Variants in RXRG observed in about 807,000 individuals in gnomAD.
RXRG encodes retinoic acid receptor RXR-gamma.
In RXRG, 19 loss-of-function variants were observed where a neutral mutation model predicts 49.2. The observed-to-expected ratio is 0.39, with a 90% CI of 0.27 to 0.57. The LOEUF (loss-of-function observed/expected upper bound fraction) is 0.57. RXRG is among the 20% of genes least tolerant of loss of function. RXRG has a pLI of 0.64. For missense variants in RXRG, 452 were observed against 592.5 expected, an observed-to-expected ratio of 0.76 and a Z score of 2.46; for synonymous variants, 224 against 216.6, an observed-to-expected ratio of 1.03 and a Z score of -0.30.
rs779244874 is a variant in RXRG, at chr1:165,409,601, G to C, written c.1003C>G (p.Arg335Gly). 6.4e-6 allele frequency: 10 copies of C among 1,569,080 alleles called. No individual in the cohort carries two copies. The highest frequency in any genetic ancestry group is 8.6e-6 in the Non-Finnish European group (10 of 1,158,814). ...ACCCCAGCACTGTGGGCACTGCTCC[G>C]GTGGACATGTAAACCCGTGGCCAGA... ...ILLATGLHVHRSSAHSAGVGS... is the reference protein window; with the variant it reads ...ILLATGLHVHGSSAHSAGVGS... The change falls in exon 7 of 10, where the codon CGG becomes GGG. Residue 335 changes from arginine (R) to glycine (G), a missense_variant. Around this residue, in one of 2 missense-constraint regions of RXRG, gnomAD observed 286 missense variants for 440.9 expected, o/e 0.65. Transcript: ENST00000359842.
At chr1:165,420,094 C>G (rs1333881093) in intron 2 of RXRG, 80 bp from the exon 3 acceptor site, 7 of 1,086,896 alleles carry the variant, frequency 6.4e-6, no homozygotes, top group African/African-American at 1.6e-5. Context: ...AGGGCTTACT[C>G]AAGAAAAAAC....
At chr1:165,434,125 T>C (rs1361449485) in intron 1 of RXRG, among the ~76,000 whole-genome samples, 3 of 152,224 alleles carry the variant, frequency 2.0e-5, no homozygotes, top group African/African-American at 7.2e-5. Flanking sequence ...AGAGGACTGC[T>C]GAGAGCTCCT....
At chr1:165,402,946 C>T (rs562553948) in intron 9 of RXRG, among the ~76,000 whole-genome samples, 5 of 152,212 alleles carry the variant, frequency 3.3e-5, no homozygotes, top group South Asian at 4.2e-4. Context: ...CACTCTTACA[C>T]ACACGTGCAT....
chr1:165,422,107 G>T (rs59737404), intron 2 of RXRG, among the ~76,000 whole-genome samples: 1 of 152,214 alleles, frequency 6.6e-6, no homozygotes, highest in East Asian at 1.9e-4. Context: ...GAGGTTCAAG[G>T]GGTCCTCACC....
intron 8 of RXRG, among the ~76,000 whole-genome samples, chr1:165,407,142 A>G (rs1442511702): frequency 1.3e-5 from 2 of 152,146 alleles, no homozygotes; most frequent in African/African-American, 4.8e-5. Flanking sequence ...AGGCAAATGT[A>G]CCCACCACTG....
chr1:165,418,110 CAAAAAAAAAAAAAAAAA>C (rs57782668), intron 3 of RXRG, among the ~76,000 whole-genome samples: 2 of 73,856 alleles, frequency 2.7e-5, no homozygotes, highest in Non-Finnish European at 4.9e-5. Flanking sequence ...GATCCCGTCT[CAAAAAAAAAAAAAAAAA>C]AAAAAAAAAA....
At chr1:165,425,348 C>T (rs978074336) in intron 2 of RXRG, among the ~76,000 whole-genome samples, 23 of 152,036 alleles carry the variant, frequency 1.5e-4, no homozygotes, top group African/African-American at 5.6e-4. Flanking sequence ...AGGTTTTTGC[C>T]TGTCCTGCCT....
chr1:165,418,940 A>C (rs917432438), intron 3 of RXRG, among the ~76,000 whole-genome samples: 1 of 152,256 alleles, frequency 6.6e-6, no homozygotes, highest in Non-Finnish European at 1.5e-5. Context: ...GGAACTTTCA[A>C]TGGAGTGACA....
At chr1:165,410,438 CAAATTATCCTCAATA>C (rs1200142370) in intron 6 of RXRG, among the ~76,000 whole-genome samples, 2 of 152,164 alleles carry the variant, frequency 1.3e-5, no homozygotes, top group Admixed American at 1.3e-4. Context: ...GCCACTGCTT[CAAATTATCCTCAATA>C]AAATGATTTA....
chr1:165,409,883 T>C (rs1657886360), intron 6 of RXRG, among the ~76,000 whole-genome samples, 193 bp from the exon 7 acceptor site: 2 of 152,058 alleles, frequency 1.3e-5, no homozygotes, highest in South Asian at 2.1e-4. Flanking sequence ...TCCTGACTTA[T>C]GGCTCTGCAC....
intron 3 of RXRG, 124 bp from the exon 4 acceptor site, chr1:165,417,344 G>T: frequency 2.5e-6 from 2 of 808,378 alleles, no homozygotes; most frequent in Non-Finnish European, 1.9e-6. Context: ...GGGACAGAAA[G>T]CAAATAATCA....
chr1:165,417,419 G>A (rs1049400467), intron 3 of RXRG, among the ~76,000 whole-genome samples, 199 bp from the exon 4 acceptor site: 3 of 152,166 alleles, frequency 2.0e-5, no homozygotes, highest in East Asian at 3.9e-4. Context: ...ACTTGTCCTC[G>A]TGTCTTTCCT....
In RXRG at chr1:165,424,731, AC is replaced by A. The variant is rs1658426648; in HGVS notation, c.297+3987del. ...CCCCTAGACACTTCCTCCTCCCTTC[AC>A]CCCCCAAATTGTACTTACGCGAGAA... On this transcript the variant is annotated intron_variant, in intron 2 of 9. Transcript: ENST00000359842. 5 of 974,174 alleles carry A rather than the reference AC, an allele frequency of 5.1e-6. No homozygotes were observed. The East Asian group carries it at 3.4e-4, about 67-fold the overall frequency. 60.3% of individuals were successfully genotyped at this position (974,174 alleles called of 1,614,324 possible). A position where few individuals can be genotyped will look rare whatever the true frequency, so the allele number is the denominator to read the frequency against.
At chr1:165,426,639 C>T (rs960794047) in intron 2 of RXRG, among the ~76,000 whole-genome samples, 9 of 152,192 alleles carry the variant, frequency 5.9e-5, no homozygotes, top group African/African-American at 2.2e-4. Context: ...AAAATGCTGA[C>T]ATAAAAGAAG....
intron 3 of RXRG, among the ~76,000 whole-genome samples, chr1:165,419,493 C>T (rs191261735): frequency 6.6e-6 from 1 of 152,026 alleles, no homozygotes; most frequent in East Asian, 1.9e-4. Context: ...CAGGCTCAAG[C>T]TATCCTCCCA....
At chr1:165,413,476 C>A (rs536435371) in intron 4 of RXRG, among the ~76,000 whole-genome samples, 1 of 152,208 alleles carries the variant, frequency 6.6e-6, no homozygotes, top group South Asian at 2.1e-4. Flanking sequence ...TATCTGAGGG[C>A]ATGTGGTAGG....
At position 165,406,935 on chromosome 1, in the gene RXRG, G is replaced by A; in HGVS notation, c.1139-18C>T. On this transcript the variant is annotated intron_variant, in intron 8 of 9. Transcript: ENST00000359842. ...CTTGGCATCTAAAAGACATGACTGA[G>A]TTAGCCTTTGATTACACACCCTCCA... 1.3e-6 allele frequency: 2 copies of A among 1,575,934 alleles called. No individual in the cohort carries two copies. Among genetic ancestry groups the A allele is most frequent in the Non-Finnish European group, 1.7e-6 (2 of 1,146,476 alleles).
intron 6 of RXRG, among the ~76,000 whole-genome samples, chr1:165,409,899 C>T (rs1657887440): frequency 6.6e-6 from 1 of 151,986 alleles, no homozygotes; most frequent in African/African-American, 2.4e-5. Flanking sequence ...TGCACATCCC[C>T]CCACTCTCTC....
intron 1 of RXRG, among the ~76,000 whole-genome samples, chr1:165,437,519 C>G (rs1658851935): frequency 6.6e-6 from 1 of 152,068 alleles, no homozygotes; most frequent in African/African-American, 2.4e-5. Flanking sequence ...AAGAGACTGC[C>G]GTCTTTAGAA....
Sources: allele counts gnomAD v4.1 joint callset (sites outside exome capture counted in the v4.1 genomes callset), GRCh38; gene constraint gnomAD v4.1.1; regional missense constraint gnomAD v4.1.1; transcripts MANE v1.5; gene names NCBI Gene and HGNC (gene_info 2026-07-23, HGNC 2026-07-21).